RAI2: variants seen among roughly 807,000 people sequenced by gnomAD.
RAI2 encodes the protein retinoic acid-induced protein 2.
A neutral mutation model predicts 15.3 loss-of-function variants in RAI2; 5 were observed. The observed-to-expected ratio is 0.33, with a 90% CI of 0.17 to 0.69. The LOEUF (loss-of-function observed/expected upper bound fraction) is 0.69. RAI2 is among the 30% of genes least tolerant of loss of function. The pLI is 0.69. For synonymous variants in RAI2, 191 were observed against 184.0 expected (o/e 1.04, Z -0.31); for missense variants, 424 against 424.7 (o/e 1.00, Z 0.01).
Position 17,853,250 on chromosome X carries a change from C to T in RAI2, c.-25+7848G>A, listed in dbSNP as rs753620977. The stretch of plus-strand genomic sequence containing the variant: ...GAAAAAGTCTCTATGCTTATACAAT[C>T]TTATAGACCCTTCCACCAACCTTAG... On this transcript the variant is annotated intron_variant, in intron 1 of 1. Transcript: ENST00000451717. Among the ~76,000 whole-genome samples the T allele has an allele frequency of 5.3e-5, 6 of 112,204 alleles. No homozygotes were observed. The South Asian group carries it at 2.2e-3, about 42-fold the overall frequency.
At chrX:17,808,357 G>A (rs762352077) in intron 1 of RAI2, among the ~76,000 whole-genome samples, 2 of 110,582 alleles carry the variant, frequency 1.8e-5, no homozygotes, top group African/African-American at 6.6e-5. Context: ...ATTAAAGTCT[G>A]AGAAGTGCTG....
intron 1 of RAI2, among the ~76,000 whole-genome samples, chrX:17,823,820 G>C (rs1190399192): frequency 9.0e-6 from 1 of 111,669 alleles, no homozygotes; most frequent in Non-Finnish European, 1.9e-5. Context: ...GAGCTCCCCA[G>C]GTGGTTCTGA....
chrX:17,840,780 G>A (rs1377386706), intron 1 of RAI2, among the ~76,000 whole-genome samples: 1 of 111,840 alleles, frequency 8.9e-6, no homozygotes, highest in African/African-American at 3.3e-5. Flanking sequence ...GAGCTTGGAG[G>A]AAAACCTAGA....
Position 17,835,298 on chromosome X carries a change from G to C in RAI2, c.-25+25800C>G, listed in dbSNP as rs73447839. Among the ~76,000 whole-genome samples, 866 of 112,221 alleles carry C rather than the reference G, an allele frequency of 7.7e-3. 7 individuals are homozygous for C. Among genetic ancestry groups the C allele is most frequent in the African/African-American group, 0.026 (791 of 30,882 alleles). On this transcript the variant is annotated intron_variant, in intron 1 of 1. Coordinates refer to ENST00000451717, the MANE Select transcript of RAI2 (RefSeq NM_021785.6). The stretch of plus-strand genomic sequence containing the variant: ...TGTGTAGCATGGTGCGGGATCAGAC[G>C]AGGCAAATACAGCCGCTGGGGAAAG...
intron 1 of RAI2, among the ~76,000 whole-genome samples, chrX:17,825,791 G>C (rs760214042): frequency 8.9e-6 from 1 of 112,653 alleles, no homozygotes; most frequent in Non-Finnish European, 1.9e-5. Flanking sequence ...GCAGTATTAA[G>C]AAATGTTATT....
At chrX:17,856,506 A>G (rs758915122) in intron 1 of RAI2, among the ~76,000 whole-genome samples, 160 of 112,550 alleles carry the variant, frequency 1.4e-3, no homozygotes, top group African/African-American at 5.1e-3. Flanking sequence ...ATCTGCCGGT[A>G]TCTTGATCTT....
Position 17,801,074 on chromosome X carries a change from C to G in RAI2, c.937G>C (p.Glu313Gln). 1.7e-6 allele frequency: 2 copies of G among 1,211,842 alleles called. No homozygotes were observed. The highest frequency in any genetic ancestry group is 2.2e-6 in the Non-Finnish European group (2 of 895,546). ...ATGGAGAGATCCAGGGCCTCGTTCT[C>G]ACTTCCCATCTTAATGACCGTGTGG... is the stretch of plus-strand genomic sequence containing the variant. ...SRHTVIKMGSENEALDLSMKS... is the reference protein window; with the variant it reads ...SRHTVIKMGSQNEALDLSMKS... The change falls in exon 2 of 2, where the codon GAG (glutamate) becomes CAG (glutamine). Residue 313 changes from glutamate to glutamine, a missense_variant. Physicochemically the swap from Glu to Gln is conservative, Grantham distance 29 (BLOSUM62 2). Transcript: ENST00000451717.
At chrX:17,835,539 T>C (rs1454733268) in intron 1 of RAI2, among the ~76,000 whole-genome samples, 2 of 112,227 alleles carry the variant, frequency 1.8e-5, no homozygotes, top group Non-Finnish European at 1.9e-5. Context: ...AACCAAGATC[T>C]GTATCTGCAA....
intron 1 of RAI2, among the ~76,000 whole-genome samples, chrX:17,858,081 G>A (rs995072338): frequency 1.8e-5 from 2 of 111,408 alleles, no homozygotes; most frequent in African/African-American, 3.3e-5. Context: ...CCATGCTGAC[G>A]TGTCCCACTT....
At chrX:17,827,019 T>C (rs1284829574) in intron 1 of RAI2, among the ~76,000 whole-genome samples, 2 of 112,421 alleles carry the variant, frequency 1.8e-5, no homozygotes, top group African/African-American at 6.5e-5. Flanking sequence ...GCTGAAGATA[T>C]AGAGAGTTGA....
intron 1 of RAI2, among the ~76,000 whole-genome samples, chrX:17,860,858 G>A (rs1400812120): frequency 9.5e-6 from 1 of 105,110 alleles, no homozygotes; most frequent in Non-Finnish European, 2.0e-5. Context: ...GCCGGGAACG[G>A]GAGCGGGGCC....
At chrX:17,802,370 C>T (rs1459248032) in intron 1 of RAI2, among the ~76,000 whole-genome samples, 1 of 112,317 alleles carries the variant, frequency 8.9e-6, no homozygotes, top group East Asian at 2.8e-4. Context: ...AGTTTCAGTC[C>T]AAGTTGCTAT....
Position 17,801,942 on chromosome X carries a change from G to T in RAI2, c.69C>A (p.Asn23Lys). Residue 23 changes from asparagine (N) to lysine (K), a missense_variant, in exon 2 of 2, where the codon AAC becomes AAA. Coordinates refer to ENST00000451717, the MANE Select transcript of RAI2 (RefSeq NM_021785.6). Reference sequence around the variant, plus strand: ...GCTGAGCCATGCCATTCTCCAGTCTGTTATTAGCCAAGGCAGGAGGGGAGT... The same window carrying T: ...GCTGAGCCATGCCATTCTCCAGTCTTTTATTAGCCAAGGCAGGAGGGGAGT... The part of the protein sequence containing the change: ...MTDSPPALAN[N>K]RLENGMAQLI... The T allele has an allele frequency of 8.3e-7, 1 of 1,211,595 alleles. No homozygotes were observed. Among genetic ancestry groups the T allele is most frequent in the Non-Finnish European group, 1.1e-6 (1 of 895,359 alleles).
intron 1 of RAI2, among the ~76,000 whole-genome samples, chrX:17,826,921 T>G (rs939578338): frequency 3.6e-5 from 4 of 112,648 alleles, no homozygotes; most frequent in African/African-American, 1.3e-4. Context: ...ATGAAATCTC[T>G]TTCCTTTATA....
chrX:17,812,479 C>T (rs2067060544), intron 1 of RAI2, among the ~76,000 whole-genome samples: 1 of 111,772 alleles, frequency 8.9e-6, no homozygotes, highest in Admixed American at 9.5e-5. Flanking sequence ...AGTGGGAAGA[C>T]AAATAAATAC....
At chrX:17,847,588 T>C (rs1164515663) in intron 1 of RAI2, among the ~76,000 whole-genome samples, 1 of 112,604 alleles carries the variant, frequency 8.9e-6, no homozygotes, top group African/African-American at 3.2e-5. Flanking sequence ...TGAAAGCACA[T>C]ATATTAAAGC....
intron 1 of RAI2, among the ~76,000 whole-genome samples, chrX:17,812,814 G>A (rs2067064578): frequency 8.9e-6 from 1 of 111,939 alleles, no homozygotes. Context: ...AACTAGGCAA[G>A]AGTCGAAGGA....
At chrX:17,835,792 T>C (rs1313653960) in intron 1 of RAI2, among the ~76,000 whole-genome samples, 2 of 112,191 alleles carry the variant, frequency 1.8e-5, no homozygotes, top group Admixed American at 9.5e-5. Flanking sequence ...TGCATTATGG[T>C]TTTTCTCCCT....
chrX:17,828,542 C>T (rs757264241), intron 1 of RAI2, among the ~76,000 whole-genome samples: 6 of 111,895 alleles, frequency 5.4e-5, no homozygotes, highest in Non-Finnish European at 1.1e-4. Context: ...AAATGAATGG[C>T]CCTACCTTTG....
Sources: gnomAD v4.1 joint callset for allele counts (sites outside exome capture counted in the v4.1 genomes callset) on GRCh38, gnomAD v4.1.1 for gene constraint, MANE v1.5 for transcripts, NCBI Gene and HGNC (gene_info 2026-07-23, HGNC 2026-07-21) for gene names.